NEURL4: variants seen among roughly 807,000 people sequenced by gnomAD.
The protein encoded by NEURL4 is neuralized-like protein 4.
A neutral mutation model predicts 148.0 loss-of-function variants in NEURL4; 45 were observed. That is an observed-to-expected ratio of 0.30 (90% CI 0.24 to 0.39). The LOEUF (loss-of-function observed/expected upper bound fraction) is 0.39. NEURL4 is among the 10% of genes least tolerant of loss of function. The probability of loss-of-function intolerance (pLI) is 1.00; values close to 1 mark genes in which losing one functional copy is unlikely to be tolerated. For missense variants in NEURL4, 1,776 were observed against 2,144.0 expected, an observed-to-expected ratio of 0.83 and a Z score of 3.39; for synonymous variants, 854 against 869.0, an observed-to-expected ratio of 0.98 and a Z score of 0.30.
chr17:7,326,768 T>G lies in NEURL4; in HGVS notation c.1035A>C (p.Glu345Asp). 6.2e-7 allele frequency: 1 copy of G among 1,613,234 alleles called. No individual in the cohort carries two copies. Among genetic ancestry groups the G allele is most frequent in the Non-Finnish European group, 8.5e-7 (1 of 1,179,806 alleles). ...TGGTCATGACAACCCCATTGTTGAA[T>G]TCATCCAGGGGCCGCCGGCGCTCAG... ...KTAERRRPLD[E>D]FNNGVVMTNR... The change falls in exon 4 of 29, where the codon GAA becomes GAC. Residue 345 changes from glutamate (E) to aspartate (D), a missense_variant. Glu to Asp is a conservative substitution (Grantham distance 45). Coordinates refer to ENST00000399464, the MANE Select transcript of NEURL4 (RefSeq NM_032442.3). This position sits in a 1 kb window ranked among gnomAD's most constrained non-coding sequence, Gnocchi z 6.0.
chr17:7,325,406 C>G lies in NEURL4; in HGVS notation c.1434G>C (p.Lys478Asn). The change falls in exon 8 of 29, where the codon AAG becomes AAC. Residue 478 changes from lysine to asparagine, a missense_variant. Coordinates refer to ENST00000399464, the MANE Select transcript of NEURL4 (RefSeq NM_032442.3). ...GGTTGTTATTGTGGACGATGGTCAC[C>G]TTCACTGCCATCCCGTACAAGTCCA... The part of the protein sequence containing the change: ...GVVDLYGMAV[K>N]VTIVHNNNHS... 6.2e-7 allele frequency: 1 copy of G among 1,613,076 alleles called. No homozygotes were observed. The highest frequency in any genetic ancestry group is 1.1e-5 in the South Asian group (1 of 91,082).
intron 8 of NEURL4, 65 bp downstream of exon 8, chr17:7,325,144 T>TTGG: frequency 1.4e-5 from 13 of 956,482 alleles, no homozygotes; most frequent in African/African-American, 1.9e-5. Context: ...TCCACTTCCT[T>TTGG]GCCCCGCCCC....
In NEURL4 at chr17:7,327,658, C is replaced by T. The variant is rs1223818250; in HGVS notation, c.509G>A (p.Arg170Gln). ...GVERTVAGEL[R>Q]LWVNGRDCGV... ...GCAATCCCGCCCATTCACCCAGAGC[C>T]GAAGCTCCCCAGCAACTGTGCGCTC... Residue 170 changes from arginine (R) to glutamine (Q), a missense_variant, in exon 2 of 29, where the codon CGG becomes CAG. Transcript: ENST00000399464. The surrounding 1 kb of genome is among the most constrained non-coding windows in gnomAD (Gnocchi z 6.6). The T allele has an allele frequency of 5.0e-6, 8 of 1,613,674 alleles. No individual in the cohort carries two copies. Among genetic ancestry groups the T allele is most frequent in the East Asian group, 2.2e-5 (1 of 44,896 alleles).
rs1257611762 is a variant in NEURL4 at position 7,329,317 on chromosome 17, G to A, written c.-5C>T. The A allele has an allele frequency of 7.5e-7, 1 of 1,337,928 alleles. No homozygotes were observed. Among genetic ancestry groups the A allele is most frequent in the Non-Finnish European group, 9.5e-7 (1 of 1,048,514 alleles). 82.9% of individuals were successfully genotyped at this position (1,337,928 alleles called of 1,614,324 possible). Reference sequence around the variant, plus strand: ...CCCACCCGACCCTGCCGCCATCTCCGCTGACACCGGGGCAGCGCGACAGCC... The same window carrying A: ...CCCACCCGACCCTGCCGCCATCTCCACTGACACCGGGGCAGCGCGACAGCC... On this transcript the variant is annotated 5_prime_UTR_variant, in exon 1 of 29. Coordinates refer to ENST00000399464, the MANE Select transcript of NEURL4 (RefSeq NM_032442.3).
Position 7,329,169 on chromosome 17 carries a change from A to C in NEURL4, c.144T>G (p.Thr48=), listed in dbSNP as rs919832721. The C allele has an allele frequency of 1.9e-6, 3 of 1,600,966 alleles. No individual in the cohort carries two copies. The highest frequency in any genetic ancestry group is 2.7e-5 in the African/African-American group (2 of 74,882). Residue 48 remains threonine, a synonymous_variant, in exon 1 of 29, where the codon ACT becomes ACG. Transcript: ENST00000399464. ...AGGCCGACAGGCTCACCAAGCGCCC[A>C]GTGCGCGGGTGCAGTTCCCCGCCGC... The part of the protein sequence containing the change: ...LGSGGELHPR[T]GRLVSLSACG...
rs749730692 is a variant in NEURL4, at chr17:7,316,228, G to A, written c.4584C>T (p.Ala1528=). The A allele has an allele frequency of 6.2e-7, 1 of 1,613,826 alleles. No individual in the cohort carries two copies. The highest frequency in any genetic ancestry group is 8.5e-7 in the Non-Finnish European group (1 of 1,179,766). The stretch of plus-strand genomic sequence containing the variant: ...AGTGAGGGTCAGGAGGTTCTCCAAG[G>A]GCAGCGGAAGGGGGTCCCGGGGTGT... ...GSYTPGPPSA[A]LGEPPDPHFS... Residue 1528 remains alanine, a synonymous_variant, in exon 29 of 29, where the codon GCC becomes GCT. Transcript: ENST00000399464.
In NEURL4 at chr17:7,329,314, T is replaced by A; in HGVS notation, c.-2A>T. 1.5e-6 allele frequency: 2 copies of A among 1,368,848 alleles called. No homozygotes were observed. Among genetic ancestry groups the A allele is most frequent in the Non-Finnish European group, 1.9e-6 (2 of 1,067,744 alleles). The allele number at this position is 1,368,848 out of a possible 1,614,324, so 84.8% of individuals were successfully genotyped here. A position where few individuals can be genotyped will look rare whatever the true frequency, so the allele number is the denominator to read the frequency against. ...ACTCCCACCCGACCCTGCCGCCATC[T>A]CCGCTGACACCGGGGCAGCGCGACA... is the stretch of plus-strand genomic sequence containing the variant. On this transcript the variant is annotated 5_prime_UTR_variant, in exon 1 of 29. Transcript: ENST00000399464.
intron 21 of NEURL4, among the ~76,000 whole-genome samples, chr17:7,319,853 G>A (rs4796403): frequency 0.52 from 78,399 of 151,300 alleles, 20,632 homozygotes; most frequent in East Asian, 0.66. Flanking sequence ...TTATTGAGAC[G>A]GAGTCTCGCT....
At chr17:7,317,414 C>T (rs1312674026) in intron 27 of NEURL4, 44 bp from the exon 28 acceptor site, 1 of 1,611,616 alleles carries the variant, frequency 6.2e-7, no homozygotes, top group Non-Finnish European at 8.5e-7. Context: ...TATTCCTCCA[C>T]AGCCCCCCAG....
At position 7,318,236 on chromosome 17, in the gene NEURL4, G is replaced by C. The variant is rs1450966563; in HGVS notation, c.3952+33C>G. The C allele has an allele frequency of 6.2e-7, 1 of 1,611,726 alleles. No individual in the cohort carries two copies. On this transcript the variant is annotated intron_variant, in intron 24 of 28. Coordinates refer to ENST00000399464, the MANE Select transcript of NEURL4 (RefSeq NM_032442.3). This position sits in a 1 kb window ranked among gnomAD's most constrained non-coding sequence, Gnocchi z 4.3. ...TAGAAGGGTGAGGGTGGGGGAGTAGGGGCAGGAGCTGGGTCCCTTTGGGCT... is the reference window on the plus strand; with the variant it reads ...TAGAAGGGTGAGGGTGGGGGAGTAGCGGCAGGAGCTGGGTCCCTTTGGGCT...
At position 7,320,764 on chromosome 17, in the gene NEURL4, C is replaced by T. The variant is rs1190851593; in HGVS notation, c.3520G>A (p.Val1174Met). 1.2e-6 allele frequency: 2 copies of T among 1,612,948 alleles called. No homozygotes were observed. The highest frequency in any genetic ancestry group is 1.7e-6 in the Non-Finnish European group (2 of 1,179,376). Residue 1174 changes from valine (V) to methionine (M), a missense_variant, in exon 21 of 29, where the codon GTG (valine) becomes ATG (methionine). Coordinates refer to ENST00000399464, the MANE Select transcript of NEURL4 (RefSeq NM_032442.3). Reference sequence around the variant, plus strand: ...GATAGGGAGGGAGAACCCACCTGCACCAGCAGCTGGGGCACCAGAGGTTGG... The same window carrying T: ...GATAGGGAGGGAGAACCCACCTGCATCAGCAGCTGGGGCACCAGAGGTTGG... ...INQPLVPQLL[V>M]QVRIDFLNRQ... is the part of the protein sequence containing the mutation.
chr17:7,328,567 C>A (rs1391138134), intron 1 of NEURL4, among the ~76,000 whole-genome samples: 1 of 152,222 alleles, frequency 6.6e-6, no homozygotes, highest in Non-Finnish European at 1.5e-5. Flanking sequence ...CCATGCCTGG[C>A]CAATTTTTGT....
rs1220299491 is a variant in NEURL4 at position 7,324,246 on chromosome 17, G to A, written c.1924C>T (p.Arg642Trp). Residue 642 changes from arginine to tryptophan, a missense_variant, in exon 11 of 29, where the codon CGG becomes TGG. By Grantham distance (101) the Arg-to-Trp change is moderately radical. Transcript: ENST00000399464. The surrounding 1 kb of genome is among the most constrained non-coding windows in gnomAD (Gnocchi z 5.9). Reference protein sequence around the residue: ...LKAGDTVGVVRREDGTLHFFV... With the variant: ...LKAGDTVGVVWREDGTLHFFV... ...AAGTGGAGAGTCCCGTCCTCCCGCC[G>A]TACCACGCCCACCGTGTCCCCTGCC... 13 of 1,613,948 alleles carry A rather than the reference G, an allele frequency of 8.1e-6. No homozygotes were observed. The highest frequency in any genetic ancestry group is 1.3e-5 in the African/African-American group (1 of 75,032).
In NEURL4 at chr17:7,320,967, A is replaced by C. The variant is rs749369535; in HGVS notation, c.3361-44T>G. 23 of 1,607,890 alleles carry C rather than the reference A, an allele frequency of 1.4e-5. No homozygotes were observed. The South Asian group carries it at 2.5e-4, about 18-fold the overall frequency. On this transcript the variant is annotated intron_variant, in intron 20 of 28. Transcript: ENST00000399464. ...CTGAGCTGCATGGGTTGCCAATGCC[A>C]GGACTGACCCACCCCACTGGAGTTT...
At chr17:7,317,674 C>T (rs2072968560) in intron 26 of NEURL4, 101 bp from the exon 27 acceptor site, 3 of 1,569,326 alleles carry the variant, frequency 1.9e-6, no homozygotes, top group Admixed American at 1.7e-5. Flanking sequence ...CCTGGCACTT[C>T]CTGGCTTTTC....
In NEURL4 at chr17:7,321,717, C is replaced by T. The variant is rs779367840; in HGVS notation, c.2942G>A (p.Gly981Glu). The T allele has an allele frequency of 6.2e-7, 1 of 1,613,668 alleles. No individual in the cohort carries two copies. The highest frequency in any genetic ancestry group is 8.5e-7 in the Non-Finnish European group (1 of 1,180,054). The change falls in exon 18 of 29, where the codon GGG becomes GAG. Residue 981 changes from glycine to glutamate, a missense_variant. Transcript: ENST00000399464. This position sits in a 1 kb window ranked among gnomAD's most constrained non-coding sequence, Gnocchi z 6.3. ...ACCGCCTGCCCCGGGTCCCATCTCC[C>T]CCGGTGCTAGTGTGGTCAGCCCCAG... ...LRLGLTTLAPGEMGPGAGGGG... is the reference protein window; with the variant it reads ...LRLGLTTLAPEEMGPGAGGGG...
rs2073049533 is a variant in NEURL4 at position 7,322,740 on chromosome 17, G to A, written c.2720C>T (p.Ser907Phe). ...TATEKSFPLH[S>F]PVAGVAHRFH... is the part of the protein sequence containing the mutation. ...CCCCCGCCCTGCTGCCGCACCTGGG[G>A]AGTGCAGTGGGAAGGACTTCTCGGT... Residue 907 changes from serine (S) to phenylalanine (F), a missense_variant, in exon 16 of 29, where the codon TCC becomes TTC. By Grantham distance (155) the Ser-to-Phe change is radical. Transcript: ENST00000399464. The surrounding 1 kb of genome is among the most constrained non-coding windows in gnomAD (Gnocchi z 5.5). 1 of 1,611,766 alleles carries A rather than the reference G, an allele frequency of 6.2e-7. No individual in the cohort carries two copies. Among genetic ancestry groups the A allele is most frequent in the South Asian group, 1.1e-5 (1 of 91,074 alleles).
chr17:7,325,992 G>C (rs1004875352), intron 6 of NEURL4, among the ~76,000 whole-genome samples: 3 of 152,186 alleles, frequency 2.0e-5, no homozygotes, highest in Admixed American at 6.5e-5. Flanking sequence ...TGCAGGAGGT[G>C]GGGGAGCAAT....
chr17:7,327,548 G>A lies in NEURL4; in HGVS notation c.619C>T (p.Pro207Ser). ...GTAGGGGGGCTGAAGCCTGGCTCAG[G>A]GGGTAGCACGGTGATCTGGGTGCAC... ...GKCTQITVLP[P>S]EPGFSPPTPI... The change falls in exon 2 of 29, where the codon CCT becomes TCT. Residue 207 changes from proline (P) to serine (S), a missense_variant. Transcript: ENST00000399464. This position sits in a 1 kb window ranked among gnomAD's most constrained non-coding sequence, Gnocchi z 6.6. 8.1e-6 allele frequency: 13 copies of A among 1,609,974 alleles called. No individual in the cohort carries two copies. The highest frequency in any genetic ancestry group is 1.0e-5 in the Non-Finnish European group (12 of 1,178,796).
Sources: gnomAD v4.1 joint callset for allele counts (sites outside exome capture counted in the v4.1 genomes callset) on GRCh38, gnomAD v4.1.1 for gene constraint, Gnocchi (gnomAD v3.1) non-coding constraint, MANE v1.5 for transcripts, NCBI Gene and HGNC (gene_info 2026-07-23, HGNC 2026-07-21) for gene names.